DYSF: variants seen among roughly 807,000 people sequenced by gnomAD.
DYSF encodes dystrophy-associated fer-1-like 1.
Under a neutral mutation model 274.9 loss-of-function variants are expected in DYSF, and 212 were observed. The ratio of observed to expected loss-of-function variants is 0.77; its 90% CI spans 0.69 to 0.86. The LOEUF (loss-of-function observed/expected upper bound fraction) is 0.86. Among genes scored for constraint, DYSF ranks in the 40% least tolerant of loss-of-function variants. The probability of loss-of-function intolerance (pLI) is 0.00; values close to 1 mark genes in which losing one functional copy is unlikely to be tolerated. For synonymous variants in DYSF, 1,091 were observed against 1,078.7 expected (o/e 1.01, Z -0.22); for missense variants, 2,666 against 2,783.2 (o/e 0.96, Z 0.95).
intron 41 of DYSF, among the ~76,000 whole-genome samples, chr2:71,633,269 G>A (rs1558678859): frequency 1.3e-5 from 2 of 152,296 alleles, no homozygotes; most frequent in South Asian, 2.1e-4. Context: ...GTATTTGCAT[G>A]TCTGGGGTTT....
intron 41 of DYSF, among the ~76,000 whole-genome samples, chr2:71,633,274 G>A (rs910001180): frequency 2.0e-5 from 3 of 152,124 alleles, no homozygotes; most frequent in Admixed American, 2.0e-4. Flanking sequence ...TGCATGTCTG[G>A]GGTTTTGTCT....
intron 24 of DYSF, among the ~76,000 whole-genome samples, chr2:71,565,631 A>T (rs758232754): frequency 4.6e-5 from 7 of 152,134 alleles, no homozygotes; most frequent in Non-Finnish European, 1.0e-4. Context: ...TATATTGGCC[A>T]GTCCTCTTGT....
upstream of DYSF, among the ~76,000 whole-genome samples, chr2:71,464,138 CT>C (rs1179933186): frequency 1.3e-5 from 2 of 152,314 alleles, no homozygotes; most frequent in African/African-American, 4.8e-5. Context: ...CCTCTGTGGT[CT>C]CTACCCCTTG....
intron 7 of DYSF, among the ~76,000 whole-genome samples, chr2:71,514,845 C>T (rs777088249): frequency 7.9e-5 from 12 of 152,008 alleles, no homozygotes; most frequent in Non-Finnish European, 1.2e-4. Context: ...CCTTTGTTCT[C>T]TTTATGGAAA....
chr2:71,510,577 T>C (rs1052361685), intron 4 of DYSF, among the ~76,000 whole-genome samples: 59 of 152,290 alleles, frequency 3.9e-4, no homozygotes, highest in African/African-American at 1.3e-3. Context: ...CTCCTTAGTG[T>C]GGCTGTCCCC....
At chr2:71,529,532 A>C (rs899986468) in intron 14 of DYSF, among the ~76,000 whole-genome samples, 1 of 152,222 alleles carries the variant, frequency 6.6e-6, no homozygotes, top group Non-Finnish European at 1.5e-5. Context: ...GATGTTCTGC[A>C]TGTCATATGG....
At chr2:71,661,481 T>G (rs931706094) in intron 45 of DYSF, among the ~76,000 whole-genome samples, 1 of 152,234 alleles carries the variant, frequency 6.6e-6, no homozygotes, top group Non-Finnish European at 1.5e-5. Flanking sequence ...CGACATTGCA[T>G]TTAGTAATTA....
Position 71,561,831 on chromosome 2 carries a change from C to G in DYSF, c.2296C>G (p.Leu766Val). 6.2e-7 allele frequency: 1 copy of G among 1,614,206 alleles called. No individual in the cohort carries two copies. The highest frequency in any genetic ancestry group is 8.5e-7 in the Non-Finnish European group (1 of 1,180,030). The change falls in exon 23 of 56, where the codon CTG becomes GTG. Residue 766 changes from leucine to valine, a missense_variant. This residue lies in a region of DYSF where 412 missense variants were observed against 504.0 expected (regional missense o/e 0.82). Coordinates refer to ENST00000410020, the MANE Select transcript of DYSF (RefSeq NM_001130987.2). ...CCTGTACCAGCTGCGCACCCATCACCTGAGCCAAATCACTGAGGCTGCCCT... is the reference window on the plus strand; with the variant it reads ...CCTGTACCAGCTGCGCACCCATCACGTGAGCCAAATCACTGAGGCTGCCCT... ...QYLYQLRTHH[L>V]SQITEAALAL...
chr2:71,619,557 T>C (rs1313405900), intron 40 of DYSF, among the ~76,000 whole-genome samples: 1 of 152,164 alleles, frequency 6.6e-6, no homozygotes, highest in Non-Finnish European at 1.5e-5. Context: ...TTTCGCCCCT[T>C]GGAGTCCTCC....
chr2:71,466,321 C>T (rs1267239270), upstream of DYSF, among the ~76,000 whole-genome samples: 1 of 152,254 alleles, frequency 6.6e-6, no homozygotes, highest in East Asian at 1.9e-4. Context: ...TTGCCCACTC[C>T]TTCCGCCTGC....
chr2:71,516,205 C>A lies in DYSF; in HGVS notation c.914C>A (p.Ser305Tyr). 1.2e-6 allele frequency: 2 copies of A among 1,614,202 alleles called. No individual in the cohort carries two copies. The highest frequency in any genetic ancestry group is 1.6e-4 in the Middle Eastern group (1 of 6,062). The change falls in exon 9 of 56, where the codon TCT becomes TAT. Residue 305 changes from serine (S) to tyrosine (Y), a missense_variant. Coordinates refer to ENST00000410020, the MANE Select transcript of DYSF (RefSeq NM_001130987.2). The stretch of plus-strand genomic sequence containing the variant: ...ACTCTTTTCTTCAACTTGTTTGACT[C>A]TCCTGGGGAGCTGTTTGATGAGCCC... ...NETLFFNLFD[S>Y]PGELFDEPIF...
chr2:71,618,266 G>GGTGGTGTGT (rs1558638422), intron 40 of DYSF, among the ~76,000 whole-genome samples: 4 of 46,016 alleles, frequency 8.7e-5, no homozygotes, highest in African/African-American at 1.4e-4. Flanking sequence ...GTGTGGTAGA[G>GGTGGTGTGT]GTGTGTGTGT....
chr2:71,593,339 C>T (rs1399901449), intron 32 of DYSF, among the ~76,000 whole-genome samples: 1 of 152,060 alleles, frequency 6.6e-6, no homozygotes, highest in Admixed American at 6.6e-5. Flanking sequence ...CCTTGTTGGC[C>T]AGGCTGGTCT....
intron 41 of DYSF, among the ~76,000 whole-genome samples, chr2:71,621,947 C>A (rs1000995566): frequency 6.6e-6 from 1 of 152,138 alleles, no homozygotes; most frequent in African/African-American, 2.4e-5. Flanking sequence ...GCGTGAGCCA[C>A]CACACCCAGC....
At chr2:71,571,530 G>T (rs1166436175) in intron 29 of DYSF, among the ~76,000 whole-genome samples, 1 of 99,722 alleles carries the variant, frequency 1.0e-5, no homozygotes, top group Non-Finnish European at 1.9e-5. Flanking sequence ...CTCACACCCA[G>T]CACACACACA....
intron 30 of DYSF, among the ~76,000 whole-genome samples, chr2:71,578,406 G>T (rs538279073): frequency 6.6e-6 from 1 of 152,266 alleles, no homozygotes; most frequent in Admixed American, 6.5e-5. Flanking sequence ...GCTGCTTGGT[G>T]GGGGAAATGT....
intron 30 of DYSF, among the ~76,000 whole-genome samples, chr2:71,583,463 G>A (rs1206618839): frequency 2.0e-5 from 3 of 152,182 alleles, no homozygotes; most frequent in Non-Finnish European, 2.9e-5. Flanking sequence ...TGGCCTCCCT[G>A]GTGGCCCCTG....
In DYSF at chr2:71,564,321, C is replaced by T. The variant is rs1003419349; in HGVS notation, c.2565+108C>T. 34 of 1,496,364 alleles carry T rather than the reference C, an allele frequency of 2.3e-5. No homozygotes were observed. The Middle Eastern group carries it at 5.1e-4, about 23-fold the overall frequency. The allele number at this position is 1,496,364 out of a possible 1,614,324, so 92.7% of individuals were successfully genotyped here. On this transcript the variant is annotated intron_variant, in intron 24 of 55. Transcript: ENST00000410020. ...TTCTTGACCTATCTTAGTTCTTAGG[C>T]TGTGGTCTTGGAAGGAGAAGAGGTC...
At chr2:71,550,915 A>T (rs979912340) in intron 17 of DYSF, 126 bp from the exon 18 acceptor site, 3 of 766,746 alleles carry the variant, frequency 3.9e-6, no homozygotes, top group Admixed American at 1.9e-5. Context: ...CACTGACAGG[A>T]GCTGCATCTG....
Sources: gnomAD v4.1 joint callset for allele counts (sites outside exome capture counted in the v4.1 genomes callset) on GRCh38, gnomAD v4.1.1 for gene constraint, gnomAD v4.1.1 regional missense constraint, MANE v1.5 for transcripts, NCBI Gene and HGNC (gene_info 2026-07-23, HGNC 2026-07-21) for gene names.